Variants in EPHA3 observed in about 807,000 individuals in gnomAD.
The protein encoded by EPHA3 is ephrin type-A receptor 3.
EPHA3 carries 42 observed loss-of-function variants against 107.1 expected under a neutral mutation model. The ratio of observed to expected loss-of-function variants is 0.39; its 90% CI spans 0.31 to 0.51. The LOEUF (loss-of-function observed/expected upper bound fraction) is 0.51. Among genes scored for constraint, EPHA3 ranks in the 20% least tolerant of loss-of-function variants. The pLI is 0.78. For missense variants in EPHA3, 1,183 were observed against 1,211.2 expected (o/e 0.98, Z 0.35); for synonymous variants, 461 against 424.8 (o/e 1.09, Z -1.05).
At chr3:89,438,146 T>G (rs574361169) in intron 13 of EPHA3, among the ~76,000 whole-genome samples, 1 of 152,218 alleles carries the variant, frequency 6.6e-6, no homozygotes, top group Admixed American at 6.5e-5. Flanking sequence ...TCTCACTCTG[T>G]CGCCCAGGCT....
intron 11 of EPHA3, among the ~76,000 whole-genome samples, chr3:89,423,990 C>G (rs1709404397): frequency 6.6e-6 from 1 of 151,346 alleles, no homozygotes; most frequent in African/African-American, 2.4e-5. Flanking sequence ...TAGTAGCTGT[C>G]TGAATAACTG....
intron 5 of EPHA3, among the ~76,000 whole-genome samples, chr3:89,346,670 G>GA (rs992505920): frequency 8.0e-5 from 12 of 150,858 alleles, no homozygotes; most frequent in Admixed American, 6.7e-4. Flanking sequence ...TGCTTTTGGT[G>GA]TTTAGACATG....
intron 2 of EPHA3, among the ~76,000 whole-genome samples, chr3:89,132,533 T>C (rs1229643085): frequency 1.3e-5 from 2 of 152,208 alleles, no homozygotes; most frequent in Non-Finnish European, 2.9e-5. Flanking sequence ...GGCATCTGCA[T>C]TTCCATTCTA....
rs181078912 is a variant in EPHA3 at position 89,291,976 on chromosome 3, A to T, written c.815-48940A>T. Among the ~76,000 whole-genome samples, 204 of 152,296 alleles carry T rather than the reference A, an allele frequency of 1.3e-3. 1 individual carries two copies. Among genetic ancestry groups the T allele is most frequent in the African/African-American group, 4.5e-3 (187 of 41,568 alleles). On this transcript the variant is annotated intron_variant, in intron 3 of 16. Coordinates refer to ENST00000336596, the MANE Select transcript of EPHA3 (RefSeq NM_005233.6). ...CTGGCAATTAAATTATAATAATATA[A>T]AGTTGACAAATTCACATGCTCCAGT...
intron 5 of EPHA3, among the ~76,000 whole-genome samples, chr3:89,355,651 G>A (rs73846148): frequency 0.099 from 14,897 of 150,794 alleles, 2,536 homozygotes; most frequent in African/African-American, 0.34. Context: ...TATTGGTACA[G>A]TAAGTCCTAC....
At chr3:89,216,651 A>G (rs1296940360) in intron 3 of EPHA3, among the ~76,000 whole-genome samples, 1 of 152,036 alleles carries the variant, frequency 6.6e-6, no homozygotes, top group Non-Finnish European at 1.5e-5. Flanking sequence ...TTTGTTAAAC[A>G]ACTTCTGTTA....
chr3:89,360,890 C>G (rs1708078138), intron 5 of EPHA3, among the ~76,000 whole-genome samples: 1 of 150,818 alleles, frequency 6.6e-6, no homozygotes, highest in African/African-American at 2.4e-5. Context: ...AGGTGACTGG[C>G]ATTACTTTTT....
intron 5 of EPHA3, among the ~76,000 whole-genome samples, chr3:89,388,269 G>T (rs189954370): frequency 1.3e-5 from 2 of 152,092 alleles, no homozygotes; most frequent in African/African-American, 4.8e-5. Flanking sequence ...TTCCATGGTA[G>T]ATTTATGCAA....
intron 5 of EPHA3, among the ~76,000 whole-genome samples, chr3:89,360,700 A>G (rs1708075087): frequency 6.6e-6 from 1 of 151,052 alleles, no homozygotes; most frequent in Non-Finnish European, 1.5e-5. Flanking sequence ...TGCCTTGAGA[A>G]CACATGGACA....
intron 2 of EPHA3, among the ~76,000 whole-genome samples, chr3:89,194,646 G>A (rs1023626257): frequency 3.3e-5 from 5 of 151,970 alleles, no homozygotes; most frequent in Non-Finnish European, 5.9e-5. Context: ...AGTAAATGAC[G>A]TTTTGTGAAA....
At chr3:89,126,908 T>C (rs1191699743) in intron 1 of EPHA3, among the ~76,000 whole-genome samples, 2 of 151,814 alleles carry the variant, frequency 1.3e-5, no homozygotes, top group East Asian at 3.9e-4. Context: ...TATTATGCAT[T>C]TTTATTGTTT....
In EPHA3 at chr3:89,388,275, T is replaced by C. The variant is rs551624288; in HGVS notation, c.1307-7562T>C. Among the ~76,000 whole-genome samples the C allele has an allele frequency of 6.6e-4, 100 of 152,286 alleles. No individual in the cohort carries two copies. The South Asian group carries it at 0.02, about 30-fold the overall frequency. Reference sequence around the variant, plus strand: ...CTAACCAAATTCCATGGTAGATTTATGCAAAGCCGGCACTATGCTAGGCAC... The same window carrying C: ...CTAACCAAATTCCATGGTAGATTTACGCAAAGCCGGCACTATGCTAGGCAC... On this transcript the variant is annotated intron_variant, in intron 5 of 16. Coordinates refer to ENST00000336596, the MANE Select transcript of EPHA3 (RefSeq NM_005233.6).
chr3:89,220,634 C>T (rs1704350261), intron 3 of EPHA3, among the ~76,000 whole-genome samples: 2 of 152,164 alleles, frequency 1.3e-5, no homozygotes, highest in Non-Finnish European at 2.9e-5. Context: ...ACAGTTCAGA[C>T]AGCTGTTACA....
chr3:89,399,306 C>T lies in EPHA3; in HGVS notation c.1432-12C>T, dbSNP rs1433120530. 15 of 1,563,768 alleles carry T rather than the reference C, an allele frequency of 9.6e-6. No individual in the cohort carries two copies. Among genetic ancestry groups the T allele is most frequent in the Admixed American group, 3.7e-5 (2 of 54,114 alleles). ...TTGATTTTAACATGAATTTTTTTTT[C>T]TGACCTCAAAGCAGGAACAAGAAAC... On this transcript the variant is annotated splice_polypyrimidine_tract_variant and intron_variant, in intron 6 of 16. Transcript: ENST00000336596.
At chr3:89,255,174 A>T (rs1705253669) in intron 3 of EPHA3, among the ~76,000 whole-genome samples, 1 of 152,216 alleles carries the variant, frequency 6.6e-6, no homozygotes, top group Non-Finnish European at 1.5e-5. Flanking sequence ...ATACTTAAAA[A>T]TTTATTTTTA....
At chr3:89,407,876 A>G (rs942849261) in intron 8 of EPHA3, among the ~76,000 whole-genome samples, 191 bp from the exon 9 acceptor site, 1 of 152,164 alleles carries the variant, frequency 6.6e-6, no homozygotes, top group African/African-American at 2.4e-5. Flanking sequence ...CTCATTAGGC[A>G]GCTTTCCAGG....
chr3:89,430,413 C>A (rs780487117), intron 12 of EPHA3, among the ~76,000 whole-genome samples: 18 of 151,880 alleles, frequency 1.2e-4, no homozygotes, highest in Non-Finnish European at 2.6e-4. Context: ...TTTTCATAAT[C>A]GTTATTTCAA....
chr3:89,337,747 T>C (rs772600554), intron 3 of EPHA3, among the ~76,000 whole-genome samples: 1 of 152,224 alleles, frequency 6.6e-6, no homozygotes, highest in Non-Finnish European at 1.5e-5. Context: ...TAGGCTATTA[T>C]TCTATTTAAT....
chr3:89,227,787 T>C (rs908257202), intron 3 of EPHA3, among the ~76,000 whole-genome samples: 2 of 152,014 alleles, frequency 1.3e-5, no homozygotes, highest in African/African-American at 4.8e-5. Context: ...ATGATGGCTG[T>C]TATTTTGGGC....
Sources: gnomAD v4.1 joint callset for allele counts (sites outside exome capture counted in the v4.1 genomes callset) on GRCh38, gnomAD v4.1.1 for gene constraint, MANE v1.5 for transcripts, NCBI Gene and HGNC (gene_info 2026-07-23, HGNC 2026-07-21) for gene names.